Variants in UNC45B observed in about 807,000 individuals in gnomAD.
The protein encoded by UNC45B is unc-45 myosin chaperone B, also known as protein unc-45 homolog B.
Under a neutral mutation model 98.7 loss-of-function variants are expected in UNC45B, and 78 were observed. The observed-to-expected ratio is 0.79, with a 90% CI of 0.66 to 0.95. The LOEUF is 0.95. UNC45B is among the 40% of genes least tolerant of loss of function. The pLI, the probability that UNC45B is intolerant of heterozygous loss-of-function variation, is 0.00. For missense variants in UNC45B, 1,225 were observed against 1,184.9 expected (o/e 1.03, Z -0.50); for synonymous variants, 462 against 480.4 (o/e 0.96, Z 0.50).
In UNC45B at chr17:35,152,975, G is replaced by T; in HGVS notation, c.464G>T (p.Arg155Leu). 1 of 1,613,222 alleles carries T rather than the reference G, an allele frequency of 6.2e-7. No individual in the cohort carries two copies. Among genetic ancestry groups the T allele is most frequent in the South Asian group, 1.1e-5 (1 of 90,984 alleles). The change falls in exon 5 of 20, where the codon CGG becomes CTG. Residue 155 changes from arginine to leucine, a missense_variant. Physicochemically the swap from Arg to Leu is moderately radical, Grantham distance 102 (BLOSUM62 -2). Coordinates refer to ENST00000394570, the MANE Select transcript of UNC45B (RefSeq NM_001267052.2). Reference sequence around the variant, plus strand: ...GATGAAAACAGTGAGGCTGATAAGCGGGAAAAGGTGAGTGCTGGCCAGTGC... The same window carrying T: ...GATGAAAACAGTGAGGCTGATAAGCTGGAAAAGGTGAGTGCTGGCCAGTGC... ...LLDENSEADK[R>L]EKAANNLIVL...
At chr17:35,170,322 G>T in intron 12 of UNC45B, 67 bp downstream of exon 12, 3 of 1,473,410 alleles carry the variant, frequency 2.0e-6, no homozygotes, top group Non-Finnish European at 2.7e-6. Context: ...AGACCCACAG[G>T]GAATGGATCC....
chr17:35,168,551 G>T (rs1597920859), intron 10 of UNC45B, among the ~76,000 whole-genome samples, 190 bp downstream of exon 10: 1 of 152,144 alleles, frequency 6.6e-6, no homozygotes, highest in South Asian at 2.1e-4. Context: ...ATTCAGAACC[G>T]TGAACTCTGC....
intron 14 of UNC45B, among the ~76,000 whole-genome samples, chr17:35,174,935 AAG>A (rs1018297022): frequency 5.1e-5 from 5 of 97,572 alleles, no homozygotes; most frequent in African/African-American, 2.3e-4. Flanking sequence ...AGGAGAAAGA[AAG>A]AAAAAGAAAG....
chr17:35,179,845 G>GTA (rs2092261446), intron 17 of UNC45B, among the ~76,000 whole-genome samples: 1 of 152,026 alleles, frequency 6.6e-6, no homozygotes, highest in African/African-American at 2.4e-5. Flanking sequence ...GCACGCACAT[G>GTA]TATACCTATG....
chr17:35,158,511 C>T (rs1458662786), intron 7 of UNC45B, among the ~76,000 whole-genome samples: 1 of 152,202 alleles, frequency 6.6e-6, no homozygotes, highest in Admixed American at 6.5e-5. Context: ...TAATGAGTGT[C>T]GTGTTTCCCA....
intron 7 of UNC45B, among the ~76,000 whole-genome samples, chr17:35,156,809 T>G (rs570630035): frequency 9.2e-5 from 14 of 152,328 alleles, no homozygotes; most frequent in African/African-American, 3.4e-4. Flanking sequence ...CTCTCTTTTT[T>G]TTTAAACCAT....
At chr17:35,179,393 A>G (rs1013650253) in intron 17 of UNC45B, among the ~76,000 whole-genome samples, 11 of 152,170 alleles carry the variant, frequency 7.2e-5, no homozygotes, top group Admixed American at 2.0e-4. Flanking sequence ...CAGCAATCCC[A>G]TTGCTGGGTA....
At chr17:35,174,504 G>T (rs1020060499) in intron 14 of UNC45B, 135 bp downstream of exon 14, 4 of 1,285,816 alleles carry the variant, frequency 3.1e-6, no homozygotes, top group Admixed American at 4.9e-5. Flanking sequence ...CCTGGAGAAA[G>T]GTCTGAGGGG....
chr17:35,160,906 T>TA (rs2092098253), intron 8 of UNC45B, among the ~76,000 whole-genome samples: 1 of 152,248 alleles, frequency 6.6e-6, no homozygotes, highest in Admixed American at 6.5e-5. Flanking sequence ...ACACAGACTA[T>TA]ACCTTGTTCT....
Position 35,177,574 on chromosome 17 carries a change from G to A in UNC45B, c.2219G>A (p.Gly740Asp), listed in dbSNP as rs756957061. ...DGLQNYEALL[G>D]LTNLSGRSDK... ...CTTCAGAACTATGAGGCTCTCCTAG[G>A]CCTCACCAACCTGTCTGGGCGGAGT... The change falls in exon 17 of 20, where the codon GGC (glycine) becomes GAC (aspartate). Residue 740 changes from glycine to aspartate, a missense_variant. Coordinates refer to ENST00000394570, the MANE Select transcript of UNC45B (RefSeq NM_001267052.2). The A allele has an allele frequency of 2.6e-6, 4 of 1,559,514 alleles. No individual in the cohort carries two copies. Among genetic ancestry groups the A allele is most frequent in the Non-Finnish European group, 2.6e-6 (3 of 1,150,900 alleles).
rs2092031529 is a variant in UNC45B at position 35,152,977 on chromosome 17, G to T, written c.466G>T (p.Glu156Ter). 1 of 1,612,278 alleles carries T rather than the reference G, an allele frequency of 6.2e-7. No individual in the cohort carries two copies. The highest frequency in any genetic ancestry group is 8.5e-7 in the Non-Finnish European group (1 of 1,179,404). Residue 156 changes from glutamate (E) to a stop codon, truncating the protein, a stop_gained, in exon 5 of 20, where the codon GAA becomes TAA. Coordinates refer to ENST00000394570, the MANE Select transcript of UNC45B (RefSeq NM_001267052.2). LOFTEE classifies it high-confidence loss of function. ...LDENSEADKR[E>*]KAANNLIVLG... ...TGAAAACAGTGAGGCTGATAAGCGG[G>T]AAAAGGTGAGTGCTGGCCAGTGCCA...
At chr17:35,169,770 A>T in intron 10 of UNC45B, 67 bp from the exon 11 acceptor site, 2 of 1,432,048 alleles carry the variant, frequency 1.4e-6, no homozygotes, top group Non-Finnish European at 2.0e-6. Context: ...CTGTTTGAGC[A>T]AGGCTTCATC....
At chr17:35,152,015 G>T (rs1007386033) in intron 4 of UNC45B, among the ~76,000 whole-genome samples, 2 of 152,230 alleles carry the variant, frequency 1.3e-5, no homozygotes, top group Non-Finnish European at 2.9e-5. Flanking sequence ...GGAAGCCGAG[G>T]TTGGTGAATC....
intron 14 of UNC45B, 96 bp downstream of exon 14, chr17:35,174,465 C>G: frequency 6.6e-7 from 1 of 1,519,292 alleles, no homozygotes; most frequent in South Asian, 1.2e-5. Flanking sequence ...TGGTGGGGGC[C>G]TAAATGAGGA....
At chr17:35,183,329 A>G (rs1479283795) in intron 18 of UNC45B, 98 bp from the exon 19 acceptor site, 9 of 1,330,036 alleles carry the variant, frequency 6.8e-6, no homozygotes, top group African/African-American at 1.5e-5. Flanking sequence ...GGAAACTCTA[A>G]GAGATCTTGG....
intron 8 of UNC45B, among the ~76,000 whole-genome samples, chr17:35,162,474 A>G (rs962077715): frequency 6.6e-6 from 1 of 152,128 alleles, no homozygotes; most frequent in Non-Finnish European, 1.5e-5. Flanking sequence ...TTTCTTTCAT[A>G]TGGGAAGATG....
In UNC45B at chr17:35,168,150, AC is replaced by A; in HGVS notation, c.1243del (p.Gln415SerfsTer5). 1 of 1,604,706 alleles carries A rather than the reference AC, an allele frequency of 6.2e-7. No homozygotes were observed. The highest frequency in any genetic ancestry group is 8.5e-7 in the Non-Finnish European group (1 of 1,175,078). On this transcript the variant is annotated frameshift_variant, in exon 10 of 20. Coordinates refer to ENST00000394570, the MANE Select transcript of UNC45B (RefSeq NM_001267052.2). LOFTEE classifies it high-confidence loss of function. ...CTGCAGGGCCCCTTTGACCTGGGCA[AC>A]CAGCTGCTGGGACTGAAAGGTGTGA... ...GILQGPFDLG[N>X]QLLGLKGVME...
chr17:35,163,901 G>A, intron 8 of UNC45B, 94 bp from the exon 9 acceptor site: 2 of 1,354,214 alleles, frequency 1.5e-6, no homozygotes, highest in South Asian at 3.0e-5. Flanking sequence ...GACAGGGCTG[G>A]AGAGAAGCTG....
intron 10 of UNC45B, 84 bp downstream of exon 10, chr17:35,168,445 T>A (rs952624772): frequency 1.6e-6 from 2 of 1,219,614 alleles, no homozygotes; most frequent in African/African-American, 3.1e-5. Context: ...GAGTTGAGGC[T>A]GCTGTCCTTG....
Sources: gnomAD v4.1 joint callset for allele counts (sites outside exome capture counted in the v4.1 genomes callset) on GRCh38, gnomAD v4.1.1 for gene constraint, MANE v1.5 for transcripts, NCBI Gene and HGNC (gene_info 2026-07-23, HGNC 2026-07-21) for gene names.